Variants in RBFOX1 observed in about 807,000 individuals in gnomAD.
The protein encoded by RBFOX1 is RNA binding fox-1 homolog 1.
In RBFOX1, 8 loss-of-function variants were observed where a neutral mutation model predicts 57.7. The observed-to-expected ratio is 0.14, with a 90% CI of 0.08 to 0.25. The LOEUF (loss-of-function observed/expected upper bound fraction) is 0.25. Among genes scored for constraint, RBFOX1 ranks in the 10% least tolerant of loss-of-function variants. The pLI is 1.00. For missense variants in RBFOX1, 611 were observed against 548.5 expected, an observed-to-expected ratio of 1.11 and a Z score of -1.14; for synonymous variants, 326 against 222.4, an observed-to-expected ratio of 1.47 and a Z score of -4.15.
intron 3 of RBFOX1, among the ~76,000 whole-genome samples, chr16:5,607,112 G>C (rs1003593875): frequency 2.6e-5 from 4 of 152,146 alleles, no homozygotes; most frequent in Non-Finnish European, 5.9e-5. Flanking sequence ...GAGTGGGCTG[G>C]GGAGCAGAGG....
intron 3 of RBFOX1, among the ~76,000 whole-genome samples, chr16:6,670,559 C>T (rs549470195): frequency 6.6e-6 from 1 of 152,138 alleles, no homozygotes; most frequent in Non-Finnish European, 1.5e-5. Flanking sequence ...TAGACTTAAA[C>T]ACCCGGTAAT....
At chr16:6,377,190 C>G (rs1461762582) in intron 2 of RBFOX1, among the ~76,000 whole-genome samples, 3 of 149,640 alleles carry the variant, frequency 2.0e-5, no homozygotes, top group Non-Finnish European at 4.4e-5. Context: ...TAGAGGATCA[C>G]TTAAGCCCAG....
chr16:5,389,708 T>C (rs909739968), intron 1 of RBFOX1, among the ~76,000 whole-genome samples: 1 of 152,014 alleles, frequency 6.6e-6, no homozygotes, highest in African/African-American at 2.4e-5. Flanking sequence ...GTTATTTTAT[T>C]TTATTTTAAG....
At chr16:6,040,278 C>T (rs184889671) in intron 1 of RBFOX1, among the ~76,000 whole-genome samples, 95 of 152,262 alleles carry the variant, frequency 6.2e-4, no homozygotes, top group Admixed American at 1.6e-3. Context: ...CATATTGTTG[C>T]GCAAGCAACA....
chr16:5,965,803 C>A (rs1451660757), intron 4 of RBFOX1, among the ~76,000 whole-genome samples: 2 of 152,112 alleles, frequency 1.3e-5, no homozygotes, highest in African/African-American at 4.8e-5. Context: ...GACCAGGTTT[C>A]CCTTGGCCCT....
intron 4 of RBFOX1, among the ~76,000 whole-genome samples, chr16:7,513,481 GT>G (rs746068242): frequency 1.3e-5 from 2 of 152,160 alleles, no homozygotes; most frequent in Non-Finnish European, 2.9e-5. Flanking sequence ...TGCATGAAAA[GT>G]AGGGATTCTG....
At chr16:6,683,823 C>T (rs1461434023) in intron 3 of RBFOX1, among the ~76,000 whole-genome samples, 2 of 152,168 alleles carry the variant, frequency 1.3e-5, no homozygotes, top group African/African-American at 2.4e-5. Flanking sequence ...AGGAAGTTGA[C>T]TCTTCATGGG....
chr16:7,518,085 G>C (rs2076759549), intron 4 of RBFOX1, 62 bp from the exon 5 acceptor site: 1 of 1,551,520 alleles, frequency 6.4e-7, no homozygotes, highest in African/African-American at 1.4e-5. Context: ...CTGGGAGGAA[G>C]GTTTCTGCAT....
At chr16:5,519,684 C>G (rs577729560) in intron 2 of RBFOX1, among the ~76,000 whole-genome samples, 1 of 152,324 alleles carries the variant, frequency 6.6e-6, no homozygotes, top group African/African-American at 2.4e-5. Context: ...AAGATTATCT[C>G]CCTGCACTCC....
chr16:6,026,516 T>G (rs1862815), intron 1 of RBFOX1, among the ~76,000 whole-genome samples: 1 of 152,178 alleles, frequency 6.6e-6, no homozygotes, highest in East Asian at 1.9e-4. Context: ...ATGGCCTCTT[T>G]TGCTGCCTTT....
At chr16:7,052,135 C>T (rs745385730) in intron 4 of RBFOX1, 37 bp downstream of exon 4, 2 of 1,581,334 alleles carry the variant, frequency 1.3e-6, no homozygotes, top group South Asian at 1.2e-5. Context: ...TCCTGATTCT[C>T]ATTTTTGTGT....
intron 4 of RBFOX1, among the ~76,000 whole-genome samples, chr16:7,224,042 C>G (rs999038697): frequency 7.0e-5 from 10 of 141,882 alleles, no homozygotes; most frequent in Non-Finnish European, 1.5e-4. Context: ...GTATTTATGA[C>G]CTTTGGGATG....
intron 2 of RBFOX1, among the ~76,000 whole-genome samples, chr16:6,504,306 T>A (rs1264101112): frequency 6.6e-6 from 1 of 152,194 alleles, no homozygotes; most frequent in African/African-American, 2.4e-5. Flanking sequence ...AAGGCACCAG[T>A]GCATCCAGCT....
intron 1 of RBFOX1, among the ~76,000 whole-genome samples, chr16:6,267,013 A>G (rs2152659070): frequency 6.6e-6 from 1 of 152,308 alleles, no homozygotes; most frequent in South Asian, 2.1e-4. Flanking sequence ...CTCCACCACC[A>G]TCATGAATAT....
rs1421580499 is a variant in RBFOX1, at chr16:7,281,020, C to CTTCCTTCCTTCCTTCCTTCCTTCCTTTT, written c.27+228922_27+228923insTTCCTTCCTTCCTTCCTTCCTTCCTTTT. Among the ~76,000 whole-genome samples the CTTCCTTCCTTCCTTCCTTCCTTCCTTTT allele has an allele frequency of 1.8e-3, 203 of 114,618 alleles. 3 individuals carry two copies. Among genetic ancestry groups the CTTCCTTCCTTCCTTCCTTCCTTCCTTTT allele is most frequent in the South Asian group, 3.6e-3 (9 of 2,530 alleles). The allele number at this position is 114,618 out of a possible 152,430, so 75.2% of individuals were successfully genotyped here. On this transcript the variant is annotated intron_variant, in intron 4 of 15. Transcript: ENST00000550418. ...CCTTCCTTCCTTCCTTCCTTCCTTC[C>CTTCCTTCCTTCCTTCCTTCCTTCCTTTT]GAGACAGAGTGAGTCTCCTTCACCC...
chr16:6,713,710 C>G (rs2064180305), intron 3 of RBFOX1, among the ~76,000 whole-genome samples: 1 of 152,160 alleles, frequency 6.6e-6, no homozygotes, highest in Non-Finnish European at 1.5e-5. Context: ...TTTGCAGAAC[C>G]TCTCTTCCTC....
chr16:6,188,181 T>C (rs1362411582), intron 1 of RBFOX1, among the ~76,000 whole-genome samples: 2 of 152,150 alleles, frequency 1.3e-5, no homozygotes, highest in Non-Finnish European at 2.9e-5. Flanking sequence ...AAAAAATCCA[T>C]ATATAAGTAA....
At chr16:6,626,370 G>A (rs754904924) in intron 2 of RBFOX1, among the ~76,000 whole-genome samples, 1 of 152,120 alleles carries the variant, frequency 6.6e-6, no homozygotes, top group Non-Finnish European at 1.5e-5. Flanking sequence ...GGACCTGGGA[G>A]CTGAGGCTCG....
At chr16:7,250,597 G>T (rs868705100) in intron 4 of RBFOX1, among the ~76,000 whole-genome samples, 1 of 152,168 alleles carries the variant, frequency 6.6e-6, no homozygotes, top group African/African-American at 2.4e-5. Context: ...CCCCAGGGAC[G>T]GGGATCATAA....
Sources: gnomAD v4.1 joint callset for allele counts (sites outside exome capture counted in the v4.1 genomes callset) on GRCh38, gnomAD v4.1.1 for gene constraint, MANE v1.5 for transcripts, NCBI Gene and HGNC (gene_info 2026-07-23, HGNC 2026-07-21) for gene names.